CDH18: variants seen among roughly 807,000 people sequenced by gnomAD.
CDH18 encodes cadherin 18, also known as cadherin-18.
In CDH18, 31 loss-of-function variants were observed where a neutral mutation model predicts 67.9. That is an observed-to-expected ratio of 0.46 (90% confidence interval 0.34 to 0.62). The LOEUF is 0.62. Ranked by LOEUF, CDH18 falls within the 20% of genes least tolerant of loss-of-function variation. CDH18 has a pLI of 0.01. For missense variants in CDH18, 890 were observed against 975.5 expected, an observed-to-expected ratio of 0.91 and a Z score of 1.17; for synonymous variants, 362 against 347.2, an observed-to-expected ratio of 1.04 and a Z score of -0.48.
At chr5:19,569,231 C>T (rs1399522705) in intron 8 of CDH18, among the ~76,000 whole-genome samples, 1 of 152,178 alleles carries the variant, frequency 6.6e-6, no homozygotes, top group Non-Finnish European at 1.5e-5. Flanking sequence ...TCATTACTTG[C>T]TATTCCCACA....
chr5:19,776,163 GA>G (rs1358961723), intron 3 of CDH18, among the ~76,000 whole-genome samples: 2 of 152,168 alleles, frequency 1.3e-5, no homozygotes, highest in Non-Finnish European at 2.9e-5. Context: ...AAATTTTAGT[GA>G]ATGGATTAAA....
At chr5:19,677,676 T>G (rs1416709923) in intron 5 of CDH18, among the ~76,000 whole-genome samples, 1 of 151,410 alleles carries the variant, frequency 6.6e-6, no homozygotes, top group Non-Finnish European at 1.5e-5. Context: ...CAATGTCACA[T>G]GCAATGACAA....
intron 1 of CDH18, among the ~76,000 whole-genome samples, chr5:20,369,643 C>T (rs1187286823): frequency 6.6e-6 from 1 of 152,102 alleles, no homozygotes; most frequent in Non-Finnish European, 1.5e-5. Context: ...TAAGGAAATG[C>T]TTGTTTCTGT....
intron 8 of CDH18, among the ~76,000 whole-genome samples, chr5:19,553,637 T>C (rs974138284): frequency 6.2e-5 from 9 of 145,334 alleles, no homozygotes; most frequent in Non-Finnish European, 1.5e-5. Context: ...CTCATACTTT[T>C]TTTTTTTTTT....
At chr5:19,789,062 G>A (rs1254398682) in intron 3 of CDH18, among the ~76,000 whole-genome samples, 3 of 152,148 alleles carry the variant, frequency 2.0e-5, no homozygotes, top group African/African-American at 7.2e-5. Context: ...TCTCACTGGA[G>A]TTCAAGCATC....
intron 2 of CDH18, among the ~76,000 whole-genome samples, chr5:19,898,350 G>A (rs545945716): frequency 3.4e-5 from 1 of 29,146 alleles, no homozygotes; most frequent in East Asian, 5.1e-4. Context: ...TGTTCTTATA[G>A]TTAAAAAAAA....
intron 2 of CDH18, among the ~76,000 whole-genome samples, chr5:19,974,782 A>T (rs1013509940): frequency 1.3e-5 from 2 of 151,980 alleles, no homozygotes; most frequent in African/African-American, 4.8e-5. Flanking sequence ...TGATTTAGCA[A>T]ATTTATTTCT....
chr5:19,885,725 C>A (rs2150068932), intron 2 of CDH18, among the ~76,000 whole-genome samples: 1 of 152,186 alleles, frequency 6.6e-6, no homozygotes, highest in African/African-American at 2.4e-5. Context: ...TGACACTCAG[C>A]TAATCTTTAT....
intron 2 of CDH18, among the ~76,000 whole-genome samples, chr5:20,011,475 G>T (rs1471875576): frequency 6.6e-6 from 1 of 152,094 alleles, no homozygotes; most frequent in Non-Finnish European, 1.5e-5. Flanking sequence ...GCTCTGGCCA[G>T]ATCTTCCAAC....
chr5:20,304,549 C>A, intron 1 of CDH18: 1 of 1,611,754 alleles, frequency 6.2e-7, no homozygotes, highest in Non-Finnish European at 8.5e-7. Flanking sequence ...GCCAAATAAA[C>A]TGGAGTTTCC....
chr5:19,881,354 A>T (rs1416800532), intron 2 of CDH18, among the ~76,000 whole-genome samples: 1 of 152,106 alleles, frequency 6.6e-6, no homozygotes, highest in Admixed American at 6.6e-5. Context: ...TTGTCAAGAC[A>T]AATGCAAATG....
At chr5:19,532,167 A>T (rs1016478734) in intron 9 of CDH18, among the ~76,000 whole-genome samples, 3 of 151,972 alleles carry the variant, frequency 2.0e-5, no homozygotes, top group African/African-American at 7.3e-5. Flanking sequence ...CTTTTTTTTT[A>T]AATGTTAGAC....
chr5:19,530,910 A>G (rs531428465), intron 9 of CDH18, among the ~76,000 whole-genome samples: 5 of 152,258 alleles, frequency 3.3e-5, no homozygotes, highest in African/African-American at 1.2e-4. Context: ...TTCTCGAGTG[A>G]GGCAATGCCT....
intron 3 of CDH18, among the ~76,000 whole-genome samples, chr5:19,775,660 C>G (rs1042421130): frequency 2.0e-5 from 3 of 152,162 alleles, no homozygotes; most frequent in African/African-American, 7.2e-5. Context: ...TACCAGGCAC[C>G]ACTTCCATCA....
At chr5:20,344,489 A>G (rs1048106608) in intron 1 of CDH18, among the ~76,000 whole-genome samples, 3 of 151,972 alleles carry the variant, frequency 2.0e-5, no homozygotes, top group African/African-American at 7.3e-5. Context: ...GTACTAATTA[A>G]TACGATAATT....
intron 3 of CDH18, chr5:19,803,716 CATTTT>C (rs1777707512): frequency 6.6e-6 from 1 of 152,176 alleles, no homozygotes; most frequent in African/African-American, 2.4e-5. Context: ...TCTTATTTTA[CATTTT>C]ATTTTATATT....
intron 1 of CDH18, among the ~76,000 whole-genome samples, chr5:20,452,623 G>C (rs886274864): frequency 2.0e-5 from 3 of 152,024 alleles, no homozygotes; most frequent in Admixed American, 6.6e-5. Flanking sequence ...GAGGGTGGCA[G>C]GAGGGAGAAA....
At position 20,262,812 on chromosome 5, in the gene CDH18, T is replaced by C. The variant is rs150280857; in HGVS notation, c.-579-7307A>G. On this transcript the variant is annotated intron_variant, in intron 1 of 14. Transcript: ENST00000507958. ...AAAAATCGATCAGTTAAGTAATTAA[T>C]TGATTTGAGAAACACTGGTGCCTTT... 1.4e-3 allele frequency among the ~76,000 whole-genome samples: 218 copies of C among 152,060 alleles called. 1 individual carries two copies. Among genetic ancestry groups the C allele is most frequent in the African/African-American group, 5.0e-3 (209 of 41,464 alleles).
intron 2 of CDH18, among the ~76,000 whole-genome samples, chr5:20,024,885 T>C (rs912780793): frequency 6.6e-6 from 1 of 152,140 alleles, no homozygotes; most frequent in Non-Finnish European, 1.5e-5. Flanking sequence ...TGGATTTGAA[T>C]ACTGAAAGGA....
Sources: allele counts gnomAD v4.1 joint callset (sites outside exome capture counted in the v4.1 genomes callset), GRCh38; gene constraint gnomAD v4.1.1; transcripts MANE v1.5; gene names NCBI Gene and HGNC (gene_info 2026-07-23, HGNC 2026-07-21).